The following LTBP1 variants were observed in gnomAD, a reference collection of about 807,000 sequenced individuals.
LTBP1 encodes latent transforming growth factor beta binding protein 1.
In LTBP1, 129 loss-of-function variants were observed where a neutral mutation model predicts 207.6. That is an observed-to-expected ratio of 0.62 (90% CI 0.54 to 0.72). The LOEUF is 0.72. Among genes scored for constraint, LTBP1 ranks in the 30% least tolerant of loss-of-function variants. LTBP1 has a pLI of 0.00. For synonymous variants in LTBP1, 963 were observed against 833.7 expected (o/e 1.16, Z -2.67); for missense variants, 2,281 against 2,217.2 (o/e 1.03, Z -0.58).
intron 24 of LTBP1, among the ~76,000 whole-genome samples, chr2:33,328,642 G>A (rs970471406): frequency 1.3e-5 from 2 of 152,090 alleles, no homozygotes; most frequent in East Asian, 1.9e-4. Flanking sequence ...TGGAGAAACC[G>A]CTCCCATGAT....
intron 24 of LTBP1, among the ~76,000 whole-genome samples, chr2:33,315,941 A>G (rs1232309346): frequency 6.6e-6 from 1 of 152,204 alleles, no homozygotes; most frequent in Non-Finnish European, 1.5e-5. Context: ...CCGTCTAAAA[A>G]AGAAAAAAAG....
chr2:33,141,555 A>G (rs2082647588), intron 5 of LTBP1, among the ~76,000 whole-genome samples: 1 of 152,224 alleles, frequency 6.6e-6, no homozygotes, highest in African/African-American at 2.4e-5. Flanking sequence ...AGGAAGTGAT[A>G]GACACTCTGA....
chr2:33,020,166 G>C (rs556812349), intron 2 of LTBP1, among the ~76,000 whole-genome samples: 1 of 152,242 alleles, frequency 6.6e-6, no homozygotes, highest in South Asian at 2.1e-4. Context: ...ATACAAACTA[G>C]CAGGTGTGTT....
intron 3 of LTBP1, among the ~76,000 whole-genome samples, chr2:33,043,182 C>T (rs1020093680): frequency 6.6e-6 from 1 of 152,158 alleles, no homozygotes. Flanking sequence ...AACATTATGG[C>T]AGGAAGTCCT....
intron 11 of LTBP1, among the ~76,000 whole-genome samples, chr2:33,253,710 A>T (rs1352532139): frequency 6.6e-6 from 1 of 152,092 alleles, no homozygotes; most frequent in African/African-American, 2.4e-5. Context: ...AGCAGACAAG[A>T]TTTAAATATA....
chr2:33,387,090 A>T (rs973741166), intron 31 of LTBP1, among the ~76,000 whole-genome samples: 1 of 152,170 alleles, frequency 6.6e-6, no homozygotes, highest in South Asian at 2.1e-4. Context: ...GACCTGCGTC[A>T]TGAGCCACCA....
chr2:33,374,937 G>T (rs1469529200), intron 31 of LTBP1, among the ~76,000 whole-genome samples: 1 of 152,118 alleles, frequency 6.6e-6, no homozygotes, highest in African/African-American at 2.4e-5. Context: ...GGGCAACAGA[G>T]CAAGACTCCT....
chr2:33,314,980 A>G (rs79126055), intron 23 of LTBP1, among the ~76,000 whole-genome samples, 164 bp from the exon 24 acceptor site: 2,230 of 152,324 alleles, frequency 0.015, 22 homozygotes, highest in East Asian at 0.025. Flanking sequence ...TTTCTCTCTC[A>G]TAACTCAGCT....
At chr2:33,009,357 C>A (rs1054024056) in intron 2 of LTBP1, among the ~76,000 whole-genome samples, 2 of 152,102 alleles carry the variant, frequency 1.3e-5, no homozygotes. Context: ...AAGTCCTAAC[C>A]CCCAGTACCT....
chr2:33,031,019 A>T (rs1001427549), intron 3 of LTBP1, among the ~76,000 whole-genome samples: 5 of 152,146 alleles, frequency 3.3e-5, no homozygotes, highest in African/African-American at 1.2e-4. Flanking sequence ...TTTTCATATT[A>T]AAGATTGTTT....
At chr2:33,235,202 A>G (rs903205225) in intron 9 of LTBP1, among the ~76,000 whole-genome samples, 7 of 152,182 alleles carry the variant, frequency 4.6e-5, no homozygotes, top group African/African-American at 1.7e-4. Context: ...GCAAATTTAC[A>G]TGAAAAAAAT....
chr2:33,347,486 C>G lies in LTBP1; in HGVS notation c.3976C>G (p.Gln1326Glu). 1.2e-6 allele frequency: 2 copies of G among 1,614,168 alleles called. No individual in the cohort carries two copies. The highest frequency in any genetic ancestry group is 1.7e-6 in the Non-Finnish European group (2 of 1,180,036). The change falls in exon 26 of 34, where the codon CAG becomes GAG. Residue 1326 changes from glutamine (Q) to glutamate (E), a missense_variant. Gln to Glu is a conservative substitution (Grantham distance 29). Transcript: ENST00000404816. Reference protein sequence around the residue: ...ENQEYSPMTGQCRSRTSTDLD... With the variant: ...ENQEYSPMTGECRSRTSTDLD... ...CCAAGAGTACAGCCCCATGACTGGG[C>G]AGTGCCGCTCCCGGACCTCCACAGG...
At chr2:32,990,860 T>C (rs967742249) in intron 2 of LTBP1, among the ~76,000 whole-genome samples, 1 of 152,214 alleles carries the variant, frequency 6.6e-6, no homozygotes, top group South Asian at 2.1e-4. Context: ...CATGAAGAAA[T>C]TACTCAGTTC....
chr2:33,054,842 T>C (rs949941844), intron 3 of LTBP1, among the ~76,000 whole-genome samples: 1 of 152,144 alleles, frequency 6.6e-6, no homozygotes, highest in Non-Finnish European at 1.5e-5. Flanking sequence ...TGTTGTTGGA[T>C]CATCTGGTTG....
intron 26 of LTBP1, 58 bp from the exon 27 acceptor site, chr2:33,360,538 GT>G: frequency 9.1e-7 from 1 of 1,101,126 alleles, no homozygotes; most frequent in Non-Finnish European, 1.4e-6. Flanking sequence ...TTCTCTACTT[GT>G]TGTCTTAGGT....
rs557123507 is a variant in LTBP1, at chr2:33,358,483, T to C, written c.4001-2114T>C. On this transcript the variant is annotated intron_variant, in intron 26 of 33. Coordinates refer to ENST00000404816, the MANE Select transcript of LTBP1 (RefSeq NM_206943.4). ...ATATATATTTATAATTTTGACATGC[T>C]TTGGACTCGAGAAGCCTATAGTTTC... Among the ~76,000 whole-genome samples, 4 of 152,010 alleles carry C rather than the reference T, an allele frequency of 2.6e-5. No individual in the cohort carries two copies. The East Asian group carries it at 5.8e-4, about 22-fold the overall frequency.
At chr2:33,380,793 A>G (rs1409650636) in intron 31 of LTBP1, among the ~76,000 whole-genome samples, 1 of 152,206 alleles carries the variant, frequency 6.6e-6, no homozygotes, top group African/African-American at 2.4e-5. Flanking sequence ...TAAAGTGAAC[A>G]ATTTAGTGGC....
intron 5 of LTBP1, among the ~76,000 whole-genome samples, chr2:33,178,569 T>C (rs748813029): frequency 7.2e-5 from 11 of 152,228 alleles, no homozygotes; most frequent in Non-Finnish European, 1.6e-4. Flanking sequence ...AGGTTGATCT[T>C]TTCTACTTGT....
intron 20 of LTBP1, among the ~76,000 whole-genome samples, chr2:33,299,189 C>T (rs2093937823): frequency 6.6e-6 from 1 of 151,504 alleles, no homozygotes; most frequent in South Asian, 2.1e-4. Context: ...TTGCAGTGAG[C>T]CGAGATAGCG....
Sources: gnomAD v4.1 joint callset for allele counts (sites outside exome capture counted in the v4.1 genomes callset) on GRCh38, gnomAD v4.1.1 for gene constraint, MANE v1.5 for transcripts, NCBI Gene and HGNC (gene_info 2026-07-23, HGNC 2026-07-21) for gene names.